The following SLC30A4 variants were observed in gnomAD, a reference collection of about 807,000 sequenced individuals.
SLC30A4 encodes the protein solute carrier family 30 member 4.
Under a neutral mutation model 41.7 loss-of-function variants are expected in SLC30A4, and 20 were observed. The observed-to-expected ratio is 0.48, with a 90% confidence interval of 0.34 to 0.70. SLC30A4 has a LOEUF of 0.70. Ranked by LOEUF, SLC30A4 falls within the 30% of genes least tolerant of loss-of-function variation. The probability of loss-of-function intolerance (pLI) is 0.01; values close to 1 mark genes in which losing one functional copy is unlikely to be tolerated. For synonymous variants in SLC30A4, 181 were observed against 195.9 expected (o/e 0.92, Z 0.64); for missense variants, 441 against 529.3 (o/e 0.83, Z 1.64).
chr15:45,507,337 T>TAAA (rs992806862), intron 3 of SLC30A4, among the ~76,000 whole-genome samples: 12 of 149,968 alleles, frequency 8.0e-5, no homozygotes, highest in Non-Finnish European at 1.8e-4. Context: ...AATAAATAAA[T>TAAA]AAATAAATAA....
In SLC30A4 at chr15:45,489,427, G is replaced by C. The variant is rs138127638; in HGVS notation, c.693-385C>G. On this transcript the variant is annotated intron_variant, in intron 4 of 7. Transcript: ENST00000261867. ...GGAGGTCAGAGAGCAAGTGGTGGAA[G>C]AGTGTTCTAGGCGGAAGAATAGCAG... Among the ~76,000 whole-genome samples, 22 of 152,160 alleles carry C rather than the reference G, an allele frequency of 1.4e-4. No individual in the cohort carries two copies. The East Asian group carries it at 4.3e-3, about 29-fold the overall frequency.
rs938303061 is a variant in SLC30A4, at chr15:45,481,481, G to A, written c.*3682C>T. The A allele has an allele frequency of 2.6e-5, 4 of 152,202 alleles. No homozygotes were observed. Among genetic ancestry groups the A allele is most frequent in the African/African-American group, 9.6e-5 (4 of 41,464 alleles). The allele number at this position is 152,202 out of a possible 1,614,324, so 9.4% of individuals were successfully genotyped here. On this transcript the variant is annotated 3_prime_UTR_variant, in exon 8 of 8. Transcript: ENST00000261867. ...GTGAAACACACGTTTATGTACACAA[G>A]TAACTCTGATTATTTGCAAATACTA...
intron 3 of SLC30A4, among the ~76,000 whole-genome samples, chr15:45,503,488 C>T (rs369598695): frequency 3.0e-4 from 45 of 151,830 alleles, no homozygotes; most frequent in African/African-American, 9.9e-4. Flanking sequence ...TGGTGGTGGG[C>T]GCCTGTAGTC....
At chr15:45,500,614 G>GTCTGTCTGTCTA (rs768291285) in intron 3 of SLC30A4, among the ~76,000 whole-genome samples, 3 of 149,626 alleles carry the variant, frequency 2.0e-5, no homozygotes, top group South Asian at 2.1e-4. Flanking sequence ...TTAAGGGTCT[G>GTCTGTCTGTCTA]TCTATCTATC....
At chr15:45,508,527 T>C (rs1283118464) in intron 3 of SLC30A4, among the ~76,000 whole-genome samples, 1 of 152,234 alleles carries the variant, frequency 6.6e-6, no homozygotes, top group Non-Finnish European at 1.5e-5. Context: ...CAGAGTATGT[T>C]CTACACATTG....
In SLC30A4 at chr15:45,482,268, A is replaced by G. The variant is rs574463546; in HGVS notation, c.*2895T>C. 2.6e-5 allele frequency: 4 copies of G among 151,934 alleles called. No homozygotes were observed. In the South Asian group the frequency reaches 8.3e-4, roughly 32 times the overall value. The allele number at this position is 151,934 out of a possible 1,614,324, so 9.4% of individuals were successfully genotyped here. ...CACTGTGTCTACCAAAAATACAAAA[A>G]ATTAGCTGGGTGTGGTGGTGCATGC... is the stretch of plus-strand genomic sequence containing the variant. On this transcript the variant is annotated 3_prime_UTR_variant, in exon 8 of 8. Coordinates refer to ENST00000261867, the MANE Select transcript of SLC30A4 (RefSeq NM_013309.6).
At chr15:45,487,315 C>T (rs1382964868) in intron 6 of SLC30A4, among the ~76,000 whole-genome samples, 2 of 152,152 alleles carry the variant, frequency 1.3e-5, no homozygotes, top group Non-Finnish European at 2.9e-5. Flanking sequence ...ATCTGCCTTA[C>T]CTACTTTGCT....
chr15:45,494,622 T>G (rs1170916667), intron 3 of SLC30A4, among the ~76,000 whole-genome samples: 2 of 151,952 alleles, frequency 1.3e-5, no homozygotes, highest in African/African-American at 4.8e-5. Flanking sequence ...GAGGTGGAGG[T>G]TGCAGTGAGC....
At chr15:45,508,916 T>C (rs765643643) in intron 3 of SLC30A4, among the ~76,000 whole-genome samples, 92 of 152,224 alleles carry the variant, frequency 6.0e-4, no homozygotes, top group Admixed American at 2.0e-3. Flanking sequence ...TTATGGGTTC[T>C]TAACTTATAT....
chr15:45,522,513 GTCC>G, intron 1 of SLC30A4, 45 bp from the exon 2 acceptor site: 1 of 711,616 alleles, frequency 1.4e-6, no homozygotes, highest in African/African-American at 1.8e-5. Flanking sequence ...GCCCAACCCT[GTCC>G]TCAAGTTCCG....
At chr15:45,496,870 T>TAAATA (rs1566877281) in intron 3 of SLC30A4, among the ~76,000 whole-genome samples, 1 of 143,730 alleles carries the variant, frequency 7.0e-6, no homozygotes, top group Admixed American at 6.8e-5. Flanking sequence ...AATAAATAAA[T>TAAATA]AAATAAAATA....
At chr15:45,514,864 C>G (rs1324893895) in intron 2 of SLC30A4, among the ~76,000 whole-genome samples, 1 of 152,116 alleles carries the variant, frequency 6.6e-6, no homozygotes, top group East Asian at 1.9e-4. Flanking sequence ...TTTTGCTCAA[C>G]TCTGTGAGAG....
chr15:45,501,442 C>A (rs1343729951), intron 3 of SLC30A4, among the ~76,000 whole-genome samples: 1 of 152,160 alleles, frequency 6.6e-6, no homozygotes, highest in Non-Finnish European at 1.5e-5. Flanking sequence ...ATGCATTGTT[C>A]TAAATTGTCT....
chr15:45,522,717 C>T lies in SLC30A4; in HGVS notation c.-225G>A, dbSNP rs987604357. 36 of 166,680 alleles carry T rather than the reference C, an allele frequency of 2.2e-4. No homozygotes were observed. The highest frequency in any genetic ancestry group is 8.1e-4 in the African/African-American group (34 of 42,184). The allele number at this position is 166,680 out of a possible 1,614,324, so 10.3% of individuals were successfully genotyped here. On this transcript the variant is annotated 5_prime_UTR_variant, in exon 1 of 8. Coordinates refer to ENST00000261867, the MANE Select transcript of SLC30A4 (RefSeq NM_013309.6). ...GCAGGAGAGTGGGGTCGTGCTCGCG[C>T]CCGCCGCGCCCGCTGCTGGAGGCCG...
At chr15:45,496,186 C>A (rs1891903743) in intron 3 of SLC30A4, among the ~76,000 whole-genome samples, 1 of 152,128 alleles carries the variant, frequency 6.6e-6, no homozygotes. Context: ...ACAAAAAGCT[C>A]TTTCATTTGA....
intron 3 of SLC30A4, among the ~76,000 whole-genome samples, chr15:45,505,238 T>TAAAAAAAAAAAAAAAAAAAAA (rs1209222695): frequency 1.9e-5 from 1 of 53,258 alleles, no homozygotes. Flanking sequence ...TCTCAAAAAT[T>TAAAAAAAAAAAAAAAAAAAAA]AAAAAAAAAA....
intron 3 of SLC30A4, among the ~76,000 whole-genome samples, chr15:45,496,651 G>A (rs1037105369): frequency 2.0e-5 from 3 of 151,900 alleles, no homozygotes; most frequent in African/African-American, 7.3e-5. Flanking sequence ...GCCACTTTAA[G>A]TGAACTTGAA....
rs1891645068 is a variant in SLC30A4, at chr15:45,483,692, C to T, written c.*1471G>A. On this transcript the variant is annotated 3_prime_UTR_variant, in exon 8 of 8. Coordinates refer to ENST00000261867, the MANE Select transcript of SLC30A4 (RefSeq NM_013309.6). The stretch of plus-strand genomic sequence containing the variant: ...TTCAAGACCAGACAGGCCAATGTGG[C>T]AAAACCCTGTCTCTACTAAAAATAC... 2 of 152,188 alleles carry T rather than the reference C, an allele frequency of 1.3e-5. No homozygotes were observed. The highest frequency in any genetic ancestry group is 2.9e-5 in the Non-Finnish European group (2 of 68,136). The allele number at this position is 152,188 out of a possible 1,614,324, so 9.4% of individuals were successfully genotyped here. A position where few individuals can be genotyped will look rare whatever the true frequency, so the allele number is the denominator to read the frequency against.
At chr15:45,504,251 C>T (rs1274272980) in intron 3 of SLC30A4, among the ~76,000 whole-genome samples, 1 of 152,200 alleles carries the variant, frequency 6.6e-6, no homozygotes, top group African/African-American at 2.4e-5. Flanking sequence ...AGAATTGCTC[C>T]TTCAATTTCT....
Sources: gnomAD v4.1 joint callset for allele counts (sites outside exome capture counted in the v4.1 genomes callset) on GRCh38, gnomAD v4.1.1 for gene constraint, MANE v1.5 for transcripts, NCBI Gene and HGNC (gene_info 2026-07-23, HGNC 2026-07-21) for gene names.